SH3PXD2A: variants seen among roughly 807,000 people sequenced by gnomAD.
SH3PXD2A encodes the protein SH3 and PX domains 2A.
In SH3PXD2A, 32 loss-of-function variants were observed where a neutral mutation model predicts 115.2. The ratio of observed to expected loss-of-function variants is 0.28; its 90% CI spans 0.21 to 0.37. SH3PXD2A has a LOEUF of 0.37. Ranked by LOEUF, SH3PXD2A falls within the 10% of genes least tolerant of loss-of-function variation. The pLI is 1.00. For synonymous variants in SH3PXD2A, 610 were observed against 629.1 expected (o/e 0.97, Z 0.45); for missense variants, 1,328 against 1,498.7 (o/e 0.89, Z 1.88).
chr10:103,641,684 G>A (rs1280635864), intron 8 of SH3PXD2A, among the ~76,000 whole-genome samples: 1 of 152,172 alleles, frequency 6.6e-6, no homozygotes, highest in Non-Finnish European at 1.5e-5. Flanking sequence ...CTCCACTGGT[G>A]TCTACGAAGC....
chr10:103,817,834 G>A (rs1025720702), intron 1 of SH3PXD2A, among the ~76,000 whole-genome samples: 1 of 152,230 alleles, frequency 6.6e-6, no homozygotes, highest in Non-Finnish European at 1.5e-5. Flanking sequence ...CACATTATAT[G>A]ATTCCATTTA....
intron 12 of SH3PXD2A, among the ~76,000 whole-genome samples, chr10:103,612,296 G>A (rs946645970): frequency 6.6e-6 from 1 of 152,038 alleles, no homozygotes; most frequent in African/African-American, 2.4e-5. Flanking sequence ...TGTGTAGAGT[G>A]GTAAAGCCTT....
chr10:103,672,915 G>A (rs764807851), intron 6 of SH3PXD2A, among the ~76,000 whole-genome samples: 5 of 152,306 alleles, frequency 3.3e-5, no homozygotes, highest in East Asian at 1.9e-4. Context: ...GGCATTGCTC[G>A]CAATACCAGC....
intron 8 of SH3PXD2A, among the ~76,000 whole-genome samples, chr10:103,641,080 A>T (rs189118727): frequency 1.4e-4 from 22 of 152,356 alleles, no homozygotes; most frequent in African/African-American, 5.3e-4. Flanking sequence ...AAGCTGTGCC[A>T]GGATTAGGAG....
chr10:103,773,306 G>A (rs530785910), intron 2 of SH3PXD2A, among the ~76,000 whole-genome samples: 1 of 151,786 alleles, frequency 6.6e-6, no homozygotes. Context: ...GGAAACCTCA[G>A]AATTCATTTG....
At chr10:103,742,495 C>T (rs896582006) in intron 3 of SH3PXD2A, among the ~76,000 whole-genome samples, 4 of 152,178 alleles carry the variant, frequency 2.6e-5, no homozygotes, top group African/African-American at 7.2e-5. Context: ...CCAAATAAGG[C>T]CAGATTCACA....
intron 2 of SH3PXD2A, among the ~76,000 whole-genome samples, chr10:103,775,750 G>A (rs1389277673): frequency 2.6e-5 from 4 of 152,172 alleles, no homozygotes; most frequent in Non-Finnish European, 2.9e-5. Flanking sequence ...CACCAGGGCT[G>A]GATGAGGGCA....
In SH3PXD2A at chr10:103,838,392, T is replaced by C. The variant is rs2039566466; in HGVS notation, c.72+16803A>G. 3.3e-5 allele frequency among the ~76,000 whole-genome samples: 5 copies of C among 152,120 alleles called. No homozygotes were observed. In the South Asian group the frequency reaches 8.3e-4, roughly 25 times the overall value. The stretch of plus-strand genomic sequence containing the variant: ...TATGGGGAAGGTACTATTATCCTCA[T>C]ATTAACGGAAGAGGAAATCCAAGCA... On this transcript the variant is annotated intron_variant, in intron 1 of 14. Coordinates refer to ENST00000369774, the MANE Select transcript of SH3PXD2A (RefSeq NM_001394015.1).
intron 3 of SH3PXD2A, among the ~76,000 whole-genome samples, chr10:103,740,837 C>G (rs1260430057): frequency 6.6e-6 from 1 of 152,108 alleles, no homozygotes; most frequent in Non-Finnish European, 1.5e-5. Flanking sequence ...CCTTCCTTCC[C>G]TTGATCCACC....
chr10:103,671,353 G>A (rs527353258), intron 6 of SH3PXD2A, among the ~76,000 whole-genome samples: 15 of 152,284 alleles, frequency 9.9e-5, no homozygotes, highest in Admixed American at 7.8e-4. Context: ...AAACGAAAAG[G>A]GGGCCGGACA....
chr10:103,701,661 C>T (rs1439695087), intron 5 of SH3PXD2A, among the ~76,000 whole-genome samples: 3 of 151,406 alleles, frequency 2.0e-5, no homozygotes, highest in African/African-American at 2.4e-5. Flanking sequence ...ATCCATCCAC[C>T]ATCCATCCAT....
At chr10:103,822,926 A>G (rs762036) in intron 1 of SH3PXD2A, among the ~76,000 whole-genome samples, 151,524 of 152,358 alleles carry the variant, frequency 0.99, 75,360 homozygotes, top group Middle Eastern at 1. Context: ...TATCTGGCTG[A>G]CAGAAACAAT....
At chr10:103,828,778 T>C (rs987489948) in intron 1 of SH3PXD2A, among the ~76,000 whole-genome samples, 2 of 152,242 alleles carry the variant, frequency 1.3e-5, no homozygotes, top group East Asian at 3.8e-4. Context: ...AAAGACTGTT[T>C]GTGTTCTGTA....
chr10:103,855,386 G>A lies in SH3PXD2A; in HGVS notation c.-120C>T. 4 of 714,660 alleles carry A rather than the reference G, an allele frequency of 5.6e-6. No homozygotes were observed. The highest frequency in any genetic ancestry group is 4.9e-5 in the South Asian group (2 of 40,472). 44.3% of individuals were successfully genotyped at this position (714,660 alleles called of 1,614,324 possible). ...GCCCGCCACCCCGGCCCGGCGCGCC[G>A]AACGCTGCCCGGACTCCCGGCGCCC... On this transcript the variant is annotated 5_prime_UTR_variant, in exon 1 of 15. Coordinates refer to ENST00000369774, the MANE Select transcript of SH3PXD2A (RefSeq NM_001394015.1).
intron 2 of SH3PXD2A, among the ~76,000 whole-genome samples, chr10:103,780,887 T>G (rs2038925953): frequency 6.6e-6 from 1 of 152,194 alleles, no homozygotes; most frequent in South Asian, 2.1e-4. Context: ...CTTTGTTGGC[T>G]CTCTGCTGCC....
rs539890266 is a variant in SH3PXD2A at position 103,701,683 on chromosome 10, C to G, written c.399-8627G>C. Among the ~76,000 whole-genome samples, 6 of 148,670 alleles carry G rather than the reference C, an allele frequency of 4.0e-5. No individual in the cohort carries two copies. In the East Asian group the frequency reaches 1.2e-3, roughly 30 times the overall value. On this transcript the variant is annotated intron_variant, in intron 5 of 14. Transcript: ENST00000369774. ...CACCATCCATCCATCATCCATCCAT[C>G]CATCATTCATCCAGCCATCCATCCA...
chr10:103,831,802 T>C (rs1331889421), intron 1 of SH3PXD2A, among the ~76,000 whole-genome samples: 1 of 152,190 alleles, frequency 6.6e-6, no homozygotes, highest in Non-Finnish European at 1.5e-5. Flanking sequence ...TGGCAGTTAG[T>C]AGTTATTCTC....
intron 5 of SH3PXD2A, chr10:103,693,465 C>T (rs988162663): frequency 6.6e-6 from 1 of 152,096 alleles, no homozygotes; most frequent in African/African-American, 2.4e-5. Context: ...CTCCCCGCCA[C>T]CGGAGCGGTT....
At chr10:103,778,289 G>A (rs2038899554) in intron 2 of SH3PXD2A, among the ~76,000 whole-genome samples, 1 of 152,196 alleles carries the variant, frequency 6.6e-6, no homozygotes, top group Non-Finnish European at 1.5e-5. Context: ...CCGAGATCGT[G>A]CCACTGCACT....
Sources: gnomAD v4.1 joint callset for allele counts (sites outside exome capture counted in the v4.1 genomes callset) on GRCh38, gnomAD v4.1.1 for gene constraint, MANE v1.5 for transcripts, NCBI Gene and HGNC (gene_info 2026-07-23, HGNC 2026-07-21) for gene names.